The following PIAS4 variants were observed in gnomAD, a reference collection of about 807,000 sequenced individuals.
The protein encoded by PIAS4 is protein inhibitor of activated STAT 4.
In PIAS4, 7 loss-of-function variants were observed where a neutral mutation model predicts 58.0. The observed-to-expected ratio is 0.12, with a 90% CI of 0.07 to 0.23. The LOEUF is 0.23. Among genes scored for constraint, PIAS4 ranks in the 10% least tolerant of loss-of-function variants. The pLI is 1.00. For synonymous variants in PIAS4, 364 were observed against 312.4 expected (o/e 1.17, Z -1.74); for missense variants, 550 against 709.5 (o/e 0.78, Z 2.55).
rs201521852 is a variant in PIAS4, at chr19:4,027,579, T to TG, written c.540-567_540-566insG. 7.5e-3 allele frequency among the ~76,000 whole-genome samples: 1,126 copies of TG among 151,120 alleles called. 14 individuals carry two copies. Among genetic ancestry groups the TG allele is most frequent in the Middle Eastern group, 0.017 (5 of 294 alleles). ...TGTTACTGGTTTTTGTTTTTTTTTT[T>TG]TTGGAGAGTGTTTCTCTTTGTTACC... On this transcript the variant is annotated intron_variant, in intron 3 of 10. Transcript: ENST00000262971.
chr19:4,029,811 ATTTTTTTTT>A (rs1172132330), intron 7 of PIAS4, among the ~76,000 whole-genome samples: 6 of 55,044 alleles, frequency 1.1e-4, no homozygotes, highest in African/African-American at 2.1e-4. Flanking sequence ...CACCCAACTA[ATTTTTTTTT>A]TTTTTTTTTT....
intron 4 of PIAS4, 45 bp downstream of exon 4, chr19:4,028,232 A>ACCCCCCCCCCC (rs1568218014): frequency 1.0e-6 from 1 of 956,496 alleles, no homozygotes; most frequent in Admixed American, 2.7e-5. Flanking sequence ...ACCCCCAGCC[A>ACCCCCCCCCCC]CCCGCCCCTC....
At chr19:4,008,977 C>T (rs1376329820) in intron 1 of PIAS4, among the ~76,000 whole-genome samples, 1 of 152,218 alleles carries the variant, frequency 6.6e-6, no homozygotes, top group Non-Finnish European at 1.5e-5. Context: ...TAGATACCAT[C>T]TCCTAGCTTG....
intron 7 of PIAS4, among the ~76,000 whole-genome samples, chr19:4,031,659 C>A (rs987058353): frequency 6.6e-6 from 1 of 152,078 alleles, no homozygotes; most frequent in Non-Finnish European, 1.5e-5. Context: ...GACCAGAGCC[C>A]GCAGTGCTGG....
intron 7 of PIAS4, among the ~76,000 whole-genome samples, chr19:4,031,375 C>G (rs1305018878): frequency 3.3e-5 from 5 of 152,200 alleles, no homozygotes; most frequent in Admixed American, 6.5e-5. Flanking sequence ...CCACGGAGTC[C>G]GGCATCCTTG....
Position 4,039,084 on chromosome 19 carries a change from A to G in PIAS4, c.*1209A>G, listed in dbSNP as rs914600898. The G allele has an allele frequency of 6.6e-6, 1 of 152,248 alleles. No homozygotes were observed. The highest frequency in any genetic ancestry group is 2.4e-5 in the African/African-American group (1 of 41,458). 9.4% of individuals were successfully genotyped at this position (152,248 alleles called of 1,614,324 possible). On this transcript the variant is annotated 3_prime_UTR_variant, in exon 11 of 11. Transcript: ENST00000262971. ...CAGGAGACCGGGGCGCAGGCGGGGC[A>G]CCGGCCTCACCTGGTTCTCCAACAC... is the stretch of plus-strand genomic sequence containing the variant.
At chr19:4,011,872 C>G (rs62639395) in intron 1 of PIAS4, among the ~76,000 whole-genome samples, 579 of 39,144 alleles carry the variant, frequency 0.015, 15 homozygotes, top group Admixed American at 0.028. Flanking sequence ...TGGTGTGGAG[C>G]TGTGGGGTGT....
At position 4,023,994 on chromosome 19, in the gene PIAS4, G is replaced by A. The variant is rs200823953; in HGVS notation, c.455-42G>A. ...AAAAGCGACTGGGCTCGGGGGACCTGCCAGGGACCAGACATGCCCCTGACC... is the reference window on the plus strand; with the variant it reads ...AAAAGCGACTGGGCTCGGGGGACCTACCAGGGACCAGACATGCCCCTGACC... On this transcript the variant is annotated intron_variant, in intron 2 of 10. Transcript: ENST00000262971. 7.8e-6 allele frequency: 11 copies of A among 1,405,486 alleles called. No individual in the cohort carries two copies. The African/African-American group carries it at 8.4e-5, about 11-fold the overall frequency. 87.1% of individuals were successfully genotyped at this position (1,405,486 alleles called of 1,614,324 possible).
At chr19:4,024,572 ACT>A (rs1012230852) in intron 3 of PIAS4, among the ~76,000 whole-genome samples, 1 of 151,796 alleles carries the variant, frequency 6.6e-6, no homozygotes, top group African/African-American at 2.4e-5. Context: ...TCCCCAAGAG[ACT>A]CTGTGTCCCA....
At chr19:4,022,782 C>T (rs975118714) in intron 2 of PIAS4, among the ~76,000 whole-genome samples, 1 of 151,956 alleles carries the variant, frequency 6.6e-6, no homozygotes, top group Non-Finnish European at 1.5e-5. Context: ...AGACAATTCT[C>T]CTGCCTCAGC....
chr19:4,024,159 G>T, intron 3 of PIAS4, 39 bp downstream of exon 3: 1 of 1,238,052 alleles, frequency 8.1e-7, no homozygotes, highest in South Asian at 1.2e-5. Context: ...CCCACCGCCC[G>T]CCCACCCACT....
At chr19:4,025,574 C>T (rs2040154922) in intron 3 of PIAS4, among the ~76,000 whole-genome samples, 1 of 152,230 alleles carries the variant, frequency 6.6e-6, no homozygotes, top group Non-Finnish European at 1.5e-5. Context: ...TTCCTGGGGC[C>T]TCCCAGCCTG....
chr19:4,030,031 C>T (rs1317549227), intron 7 of PIAS4, among the ~76,000 whole-genome samples: 1 of 151,614 alleles, frequency 6.6e-6, no homozygotes, highest in Non-Finnish European at 1.5e-5. Flanking sequence ...ACCTTGTTAG[C>T]CAGGATGGTC....
chr19:4,036,917 T>C lies in PIAS4; in HGVS notation c.1143-457T>C, dbSNP rs901860820. ...CCATATGCATCCATTCACACGTGTGTACACATGCTCACACACACACATTCA... is the reference window on the plus strand; with the variant it reads ...CCATATGCATCCATTCACACGTGTGCACACATGCTCACACACACACATTCA... On this transcript the variant is annotated intron_variant, in intron 9 of 10. Transcript: ENST00000262971. Among the ~76,000 whole-genome samples, 13 of 151,426 alleles carry C rather than the reference T, an allele frequency of 8.6e-5. No homozygotes were observed. The East Asian group carries it at 2.6e-3, about 30-fold the overall frequency.
At chr19:4,022,120 T>C (rs1340370142) in intron 2 of PIAS4, among the ~76,000 whole-genome samples, 4 of 152,210 alleles carry the variant, frequency 2.6e-5, no homozygotes, top group Non-Finnish European at 5.9e-5. Context: ...CTTTTCAAAC[T>C]TCCTGTATCT....
chr19:4,020,061 C>G (rs1216024989), intron 2 of PIAS4, among the ~76,000 whole-genome samples: 1 of 152,066 alleles, frequency 6.6e-6, no homozygotes, highest in Non-Finnish European at 1.5e-5. Flanking sequence ...GGACCACAGG[C>G]GCCTGCCACC....
At chr19:4,029,161 G>T in intron 7 of PIAS4, 125 bp downstream of exon 7, 1 of 687,294 alleles carries the variant, frequency 1.5e-6, no homozygotes. Context: ...GTCACTCTGG[G>T]GGTCCATGGC....
chr19:4,016,325 G>T (rs536343631), intron 2 of PIAS4, among the ~76,000 whole-genome samples: 4 of 152,368 alleles, frequency 2.6e-5, no homozygotes, highest in Admixed American at 6.5e-5. Flanking sequence ...CGAGGAATCT[G>T]CCTGCCCACC....
chr19:4,008,267 C>G (rs1235256704), intron 1 of PIAS4, among the ~76,000 whole-genome samples: 1 of 152,154 alleles, frequency 6.6e-6, no homozygotes, highest in African/African-American at 2.4e-5. Context: ...CCCCGCCCAA[C>G]AGGCCAGGCT....
Sources: allele counts gnomAD v4.1 joint callset (sites outside exome capture counted in the v4.1 genomes callset), GRCh38; gene constraint gnomAD v4.1.1; transcripts MANE v1.5; gene names NCBI Gene and HGNC (gene_info 2026-07-23, HGNC 2026-07-21).